Variants in MLIP observed in about 807,000 individuals in gnomAD.
MLIP encodes muscular LMNA interacting protein.
In MLIP, 79 loss-of-function variants were observed where a neutral mutation model predicts 84.8. The ratio of observed to expected loss-of-function variants is 0.93; its 90% CI spans 0.78 to 1.12. MLIP has a LOEUF of 1.12. Among genes scored for constraint, MLIP ranks in the 50% most tolerant of loss-of-function variants. The probability of loss-of-function intolerance (pLI) is 0.00; values close to 1 mark genes in which losing one functional copy is unlikely to be tolerated. For missense variants in MLIP, 1,257 were observed against 1,160.6 expected, an observed-to-expected ratio of 1.08 and a Z score of -1.21; for synonymous variants, 504 against 463.0, an observed-to-expected ratio of 1.09 and a Z score of -1.14.
chr6:54,159,521 G>A (rs545205211), intron 5 of MLIP, among the ~76,000 whole-genome samples: 20 of 152,120 alleles, frequency 1.3e-4, no homozygotes, highest in Admixed American at 4.6e-4. Flanking sequence ...TAGAGTCAAC[G>A]CTTGCAAGAA....
At chr6:54,029,311 G>A (rs1420480482) in intron 1 of MLIP, 1 of 152,242 alleles carries the variant, frequency 6.6e-6, no homozygotes, top group African/African-American at 2.4e-5. Context: ...AAGCTGTGAG[G>A]TTGGAGTCCT....
At chr6:54,042,885 G>A (rs1561886756) in intron 1 of MLIP, among the ~76,000 whole-genome samples, 1 of 152,058 alleles carries the variant, frequency 6.6e-6, no homozygotes, top group Admixed American at 6.6e-5. Context: ...TATCATCATC[G>A]TCACTTAGTA....
At chr6:54,113,087 G>A (rs1769606555) in intron 1 of MLIP, among the ~76,000 whole-genome samples, 1 of 152,108 alleles carries the variant, frequency 6.6e-6, no homozygotes, top group South Asian at 2.1e-4. Flanking sequence ...ATGGTTATAT[G>A]TATTTTGTAA....
chr6:54,189,458 A>G (rs142425095), intron 9 of MLIP, among the ~76,000 whole-genome samples: 14 of 152,280 alleles, frequency 9.2e-5, no homozygotes, highest in Admixed American at 2.6e-4. Flanking sequence ...TTAAAGAAAT[A>G]TCTGTTATTT....
chr6:54,142,550 A>C (rs1772407002), intron 4 of MLIP, among the ~76,000 whole-genome samples: 1 of 152,160 alleles, frequency 6.6e-6, no homozygotes, highest in Non-Finnish European at 1.5e-5. Context: ...GCAGTGAGGA[A>C]CAGGATGTTG....
intron 13 of MLIP, 114 bp from the exon 14 acceptor site, chr6:54,265,836 A>G (rs1783654459): frequency 1.1e-6 from 1 of 949,954 alleles, no homozygotes; most frequent in Non-Finnish European, 1.6e-6. Context: ...CTATTGTAGT[A>G]TAAACCATTT....
chr6:54,215,416 G>T, intron 11 of MLIP: 1 of 1,229,362 alleles, frequency 8.1e-7, no homozygotes, highest in Non-Finnish European at 1.0e-6. Context: ...ATAAGTATTT[G>T]TGATTTTTTT....
At chr6:54,073,502 T>G (rs1436379192) in intron 1 of MLIP, among the ~76,000 whole-genome samples, 2 of 152,242 alleles carry the variant, frequency 1.3e-5, no homozygotes, top group African/African-American at 2.4e-5. Context: ...TAAACGCATG[T>G]ACTTTCATCA....
intron 10 of MLIP, among the ~76,000 whole-genome samples, chr6:54,198,834 C>A (rs974831710): frequency 6.6e-6 from 1 of 151,678 alleles, no homozygotes; most frequent in African/African-American, 2.4e-5. Flanking sequence ...CTTGGCCATG[C>A]AAATTATGGA....
At chr6:54,169,456 CATTCCAGAAG>C in intron 8 of MLIP, 62 bp from the exon 9 acceptor site, 1 of 1,004,176 alleles carries the variant, frequency 1.0e-6, no homozygotes, top group Non-Finnish European at 1.4e-6. Flanking sequence ...AAGGTGAACA[CATTCCAGAAG>C]TTGAGTCTAT....
chr6:54,183,058 T>C (rs1303561709), intron 9 of MLIP, among the ~76,000 whole-genome samples: 2 of 152,156 alleles, frequency 1.3e-5, no homozygotes, highest in African/African-American at 2.4e-5. Flanking sequence ...TATTGAAAAA[T>C]GTGTCAAACT....
At chr6:54,076,414 C>A (rs149600120) in intron 1 of MLIP, among the ~76,000 whole-genome samples, 3 of 152,342 alleles carry the variant, frequency 2.0e-5, no homozygotes, top group African/African-American at 7.2e-5. Flanking sequence ...CATTTGGTAT[C>A]TTCACTGCTC....
At chr6:54,120,240 A>T (rs1159974399) in intron 1 of MLIP, among the ~76,000 whole-genome samples, 7 of 145,200 alleles carry the variant, frequency 4.8e-5, no homozygotes, top group South Asian at 4.4e-4. Flanking sequence ...TCTTTTTTTT[A>T]TTTTTTTTTT....
At chr6:54,055,298 CATACAAAT>C (rs1282130882) in intron 1 of MLIP, among the ~76,000 whole-genome samples, 1 of 152,062 alleles carries the variant, frequency 6.6e-6, no homozygotes, top group Non-Finnish European at 1.5e-5. Flanking sequence ...TCAATATAAG[CATACAAAT>C]ATGTGTATAT....
chr6:54,074,604 C>CGGTGT (rs1396959550), intron 1 of MLIP, among the ~76,000 whole-genome samples: 5 of 152,028 alleles, frequency 3.3e-5, no homozygotes, highest in African/African-American at 4.8e-5. Flanking sequence ...CCTCTTGTGC[C>CGGTGT]GGTGTTTAAC....
chr6:54,167,359 T>G (rs1263719962), intron 8 of MLIP, among the ~76,000 whole-genome samples: 1 of 151,886 alleles, frequency 6.6e-6, no homozygotes, highest in Non-Finnish European at 1.5e-5. Context: ...CTCCTTGTTG[T>G]GCCTTGGATA....
intron 3 of MLIP, among the ~76,000 whole-genome samples, chr6:54,127,108 A>G (rs1373766125): frequency 6.6e-6 from 1 of 152,096 alleles, no homozygotes; most frequent in Non-Finnish European, 1.5e-5. Flanking sequence ...GACCTAGGCT[A>G]CTTGATAATT....
rs534653490 is a variant in MLIP, at chr6:54,266,269, G to A, written c.*314G>A. 21 of 281,936 alleles carry A rather than the reference G, an allele frequency of 7.4e-5. No individual in the cohort carries two copies. The highest frequency in any genetic ancestry group is 4.1e-4 in the African/African-American group (19 of 45,982). The allele number at this position is 281,936 out of a possible 1,614,324, so 17.5% of individuals were successfully genotyped here. A position where few individuals can be genotyped will look rare whatever the true frequency, so the allele number is the denominator to read the frequency against. ...TGGCAGCCAAATAAAGAAGAATCGT[G>A]GGTAAATAGAAGAATGGCTGTGACT... On this transcript the variant is annotated 3_prime_UTR_variant, in exon 14 of 14. Transcript: ENST00000502396.
intron 9 of MLIP, among the ~76,000 whole-genome samples, chr6:54,178,817 C>T (rs1776563746): frequency 6.6e-6 from 1 of 152,090 alleles, no homozygotes; most frequent in Admixed American, 6.5e-5. Context: ...AACATACGGT[C>T]TATCCTTGAG....
Sources: gnomAD v4.1 joint callset for allele counts (sites outside exome capture counted in the v4.1 genomes callset) on GRCh38, gnomAD v4.1.1 for gene constraint, MANE v1.5 for transcripts, NCBI Gene and HGNC (gene_info 2026-07-23, HGNC 2026-07-21) for gene names.